ACOXL: variants seen among roughly 807,000 people sequenced by gnomAD.
ACOXL encodes the protein acyl-coenzyme A oxidase-like protein.
Under a neutral mutation model 71.9 loss-of-function variants are expected in ACOXL, and 70 were observed. The ratio of observed to expected loss-of-function variants is 0.97; its 90% confidence interval spans 0.80 to 1.19. The LOEUF (loss-of-function observed/expected upper bound fraction) is 1.19, where lower values mean the gene tolerates loss of function less well. Among genes scored for constraint, ACOXL ranks in the 50% most tolerant of loss-of-function variants. ACOXL has a pLI of 0.00. For synonymous variants in ACOXL, 253 were observed against 281.6 expected (o/e 0.90, Z 1.02); for missense variants, 703 against 736.3 (o/e 0.95, Z 0.52).
intron 10 of ACOXL, among the ~76,000 whole-genome samples, chr2:110,844,676 T>C (rs1003751795): frequency 6.6e-6 from 1 of 151,896 alleles, no homozygotes; most frequent in Non-Finnish European, 1.5e-5. Context: ...GCCTCCCGAA[T>C]AGCTGGGATT....
chr2:110,920,207 C>T lies in ACOXL; in HGVS notation c.905+11302C>T, dbSNP rs557023263. Among the ~76,000 whole-genome samples, 164 of 152,278 alleles carry T rather than the reference C, an allele frequency of 1.1e-3. 1 individual carries two copies. Among genetic ancestry groups the T allele is most frequent in the Middle Eastern group, 3.4e-3 (1 of 294 alleles). ...CAGTGATGTATAAGGGTGCAGTTGT[C>T]CTGCATCCTTGCCAGCCATTGTTAT... On this transcript the variant is annotated intron_variant, in intron 11 of 17. Coordinates refer to ENST00000439055, the MANE Select transcript of ACOXL (RefSeq NM_001142807.4).
chr2:111,048,337 C>T (rs536752065), intron 15 of ACOXL, among the ~76,000 whole-genome samples: 2 of 152,298 alleles, frequency 1.3e-5, no homozygotes, highest in South Asian at 2.1e-4. Flanking sequence ...AAAGAGTGAA[C>T]GCAGCTTTGA....
intron 10 of ACOXL, among the ~76,000 whole-genome samples, chr2:110,865,701 A>G (rs1269673136): frequency 1.3e-5 from 2 of 152,176 alleles, no homozygotes; most frequent in African/African-American, 2.4e-5. Context: ...ACTGCCATGG[A>G]TTTAATGTGT....
At chr2:110,995,173 G>T (rs1016420855) in intron 13 of ACOXL, among the ~76,000 whole-genome samples, 2 of 151,812 alleles carry the variant, frequency 1.3e-5, no homozygotes, top group African/African-American at 4.8e-5. Flanking sequence ...CTGTATAGTG[G>T]TTGAGTTATT....
chr2:111,009,929 A>G (rs1163010453), intron 14 of ACOXL, among the ~76,000 whole-genome samples: 3 of 152,222 alleles, frequency 2.0e-5, no homozygotes, highest in South Asian at 2.1e-4. Context: ...CTGACAAAGC[A>G]TAAAATCAAG....
At chr2:110,966,914 A>G (rs1259193756) in intron 12 of ACOXL, among the ~76,000 whole-genome samples, 1 of 152,236 alleles carries the variant, frequency 6.6e-6, no homozygotes, top group Non-Finnish European at 1.5e-5. Flanking sequence ...AGGAAAGTGA[A>G]CATATACCCA....
intron 10 of ACOXL, among the ~76,000 whole-genome samples, chr2:110,880,628 T>C (rs1453046887): frequency 6.6e-6 from 1 of 152,158 alleles, no homozygotes; most frequent in Non-Finnish European, 1.5e-5. Flanking sequence ...ACTGTGGCAA[T>C]TTAAACATTG....
intron 15 of ACOXL, among the ~76,000 whole-genome samples, chr2:111,042,173 C>G (rs2065817193): frequency 6.6e-6 from 1 of 152,268 alleles, no homozygotes; most frequent in Non-Finnish European, 1.5e-5. Context: ...ATCCCTGGGA[C>G]TGGCCAAACT....
chr2:111,048,942 G>A (rs777541005), intron 15 of ACOXL, among the ~76,000 whole-genome samples: 1 of 152,178 alleles, frequency 6.6e-6, no homozygotes, highest in Admixed American at 6.5e-5. Flanking sequence ...CCAAAAGGAA[G>A]CTGAACCCAG....
chr2:111,047,545 C>A (rs1185781943), intron 15 of ACOXL, among the ~76,000 whole-genome samples: 15 of 152,154 alleles, frequency 9.9e-5, no homozygotes, highest in Admixed American at 9.8e-4. Flanking sequence ...CAGATCACAG[C>A]AAAAGTCCAA....
chr2:111,103,576 C>T (rs982703972), intron 17 of ACOXL, among the ~76,000 whole-genome samples: 3 of 152,090 alleles, frequency 2.0e-5, no homozygotes, highest in African/African-American at 7.2e-5. Flanking sequence ...TTTTTCGGGA[C>T]TTTGGGGATG....
At chr2:110,797,075 C>T (rs1292270732) in intron 5 of ACOXL, among the ~76,000 whole-genome samples, 1 of 152,216 alleles carries the variant, frequency 6.6e-6, no homozygotes, top group Non-Finnish European at 1.5e-5. Flanking sequence ...TCAGAGCTGG[C>T]ACCAGGGCCA....
intron 10 of ACOXL, among the ~76,000 whole-genome samples, chr2:110,856,069 G>A (rs1015546763): frequency 3.9e-5 from 6 of 152,122 alleles, no homozygotes; most frequent in Non-Finnish European, 8.8e-5. Context: ...GTTGATTGGC[G>A]CATTTTACAA....
chr2:110,885,385 ATAAT>A (rs1271768604), intron 10 of ACOXL, among the ~76,000 whole-genome samples: 1 of 152,206 alleles, frequency 6.6e-6, no homozygotes, highest in Non-Finnish European at 1.5e-5. Context: ...GCGCTTTCCC[ATAAT>A]TAATCCCTGT....
At chr2:110,859,844 A>G (rs1443613451) in intron 10 of ACOXL, among the ~76,000 whole-genome samples, 1 of 152,122 alleles carries the variant, frequency 6.6e-6, no homozygotes, top group African/African-American at 2.4e-5. Flanking sequence ...GATCAATGCT[A>G]GGACTCCCCA....
At chr2:110,916,849 C>G (rs1011707882) in intron 11 of ACOXL, among the ~76,000 whole-genome samples, 2 of 152,160 alleles carry the variant, frequency 1.3e-5, no homozygotes, top group African/African-American at 4.8e-5. Context: ...CCTCCCAAGT[C>G]TAAACCAGGA....
chr2:110,944,838 T>G (rs1256688164), intron 12 of ACOXL, among the ~76,000 whole-genome samples: 1 of 152,228 alleles, frequency 6.6e-6, no homozygotes, highest in Non-Finnish European at 1.5e-5. Flanking sequence ...GTAGAATGAT[T>G]TATATTTATT....
intron 17 of ACOXL, among the ~76,000 whole-genome samples, chr2:111,109,248 G>A (rs1574791277): frequency 6.6e-6 from 1 of 152,176 alleles, no homozygotes; most frequent in Admixed American, 6.5e-5. Context: ...GACATTTAAG[G>A]TGTTTATGGA....
At chr2:111,059,768 G>GA (rs11385062) in intron 16 of ACOXL, among the ~76,000 whole-genome samples, 33,092 of 134,452 alleles carry the variant, frequency 0.25, 3,959 homozygotes, top group African/African-American at 0.28. Flanking sequence ...GCACACAAAG[G>GA]AAAAAAAAAA....
Sources: gnomAD v4.1 joint callset for allele counts (sites outside exome capture counted in the v4.1 genomes callset) on GRCh38, gnomAD v4.1.1 for gene constraint, MANE v1.5 for transcripts, NCBI Gene and HGNC (gene_info 2026-07-23, HGNC 2026-07-21) for gene names.